ANO2: variants seen among roughly 807,000 people sequenced by gnomAD.
ANO2 encodes the protein anoctamin 2.
ANO2 carries 101 observed loss-of-function variants against 124.2 expected under a neutral mutation model. That is an observed-to-expected ratio of 0.81 (90% confidence interval 0.69 to 0.96). The LOEUF is 0.96. Ranked by LOEUF, ANO2 falls within the 40% of genes least tolerant of loss-of-function variation. ANO2 has a pLI of 0.00. For missense variants in ANO2, 1,293 were observed against 1,274.5 expected (o/e 1.01, Z -0.22); for synonymous variants, 486 against 482.5 (o/e 1.01, Z -0.09).
At chr12:5,577,932 G>A in intron 22 of ANO2, 23 bp downstream of exon 22, 1 of 1,610,610 alleles carries the variant, frequency 6.2e-7, no homozygotes, top group East Asian at 2.2e-5. Context: ...CAGAGCGAGT[G>A]TGTCATGAAT....
chr12:5,747,025 G>C (rs1381826489), intron 11 of ANO2, among the ~76,000 whole-genome samples: 1 of 152,082 alleles, frequency 6.6e-6, no homozygotes, highest in Non-Finnish European at 1.5e-5. Context: ...TAAATTACTG[G>C]GAATAAAAGG....
At chr12:5,725,755 C>A (rs1565612591) in intron 14 of ANO2, among the ~76,000 whole-genome samples, 1 of 152,032 alleles carries the variant, frequency 6.6e-6, no homozygotes, top group Non-Finnish European at 1.5e-5. Context: ...CCACTTCCTG[C>A]CATGCTAATC....
In ANO2 at chr12:5,646,383, G is replaced by T. The variant is rs188460170; in HGVS notation, c.1620+1344C>A. Among the ~76,000 whole-genome samples, 214 of 152,232 alleles carry T rather than the reference G, an allele frequency of 1.4e-3. No homozygotes were observed. The Middle Eastern group carries it at 0.017, about 12-fold the overall frequency. On this transcript the variant is annotated intron_variant, in intron 15 of 24. Transcript: ENST00000682330. ...TTTAAAATAAATTTTAGCAAAATGG[G>T]ATGTTACAAATATCCTAACCTACTA... is the stretch of plus-strand genomic sequence containing the variant.
Position 5,862,322 on chromosome 12 carries a change from C to T in ANO2, c.535-8181G>A, listed in dbSNP as rs1481430221. On this transcript the variant is annotated intron_variant, in intron 3 of 24. Coordinates refer to ENST00000682330, the MANE Select transcript of ANO2 (RefSeq NM_001364791.2). This position sits in a 1 kb window ranked among gnomAD's most constrained non-coding sequence, Gnocchi z 4.0. ...ACCCACTAAGACCAGCAGCAAGACC[C>T]TTCCTTCTTATGGAAAAGACTTCAC... 2.0e-5 allele frequency among the ~76,000 whole-genome samples: 3 copies of T among 152,232 alleles called. No individual in the cohort carries two copies. The highest frequency in any genetic ancestry group is 7.2e-5 in the African/African-American group (3 of 41,454).
intron 3 of ANO2, among the ~76,000 whole-genome samples, chr12:5,858,873 G>A (rs1029821601): frequency 2.6e-5 from 4 of 152,218 alleles, no homozygotes; most frequent in Non-Finnish European, 4.4e-5. Context: ...ACCAGTTCCC[G>A]TTAGATTAAA....
chr12:5,786,929 G>C (rs1000435250), intron 10 of ANO2, among the ~76,000 whole-genome samples: 2 of 152,196 alleles, frequency 1.3e-5, no homozygotes, highest in African/African-American at 4.8e-5. Flanking sequence ...GGTCCTTGAT[G>C]AGCGCAGGCT....
chr12:5,648,913 T>C (rs1043515622), intron 14 of ANO2, among the ~76,000 whole-genome samples: 2 of 152,220 alleles, frequency 1.3e-5, no homozygotes, highest in Non-Finnish European at 2.9e-5. Flanking sequence ...CACACCTGAT[T>C]TGGTGCTAGC....
chr12:5,707,777 T>C (rs1949668440), intron 14 of ANO2, among the ~76,000 whole-genome samples: 1 of 152,256 alleles, frequency 6.6e-6, no homozygotes, highest in Non-Finnish European at 1.5e-5. Flanking sequence ...ACAGATGGTG[T>C]ATGTGGAATT....
rs34787622 is a variant in ANO2 at position 5,939,213 on chromosome 12, C to CAAAAAAAA, written c.22+5975_22+5982dup. Among the ~76,000 whole-genome samples the CAAAAAAAA allele has an allele frequency of 1.3e-3, 114 of 85,888 alleles. 1 individual carries two copies. Among genetic ancestry groups the CAAAAAAAA allele is most frequent in the East Asian group, 1.6e-3 (4 of 2,436 alleles). 56.3% of individuals were successfully genotyped at this position (85,888 alleles called of 152,430 possible). A position where few individuals can be genotyped will look rare whatever the true frequency, so the allele number is the denominator to read the frequency against. On this transcript the variant is annotated intron_variant, in intron 1 of 24. Transcript: ENST00000682330. ...GCCTAGTGACAGAGCAAGACTCCAA[C>CAAAAAAAA]AAAAAAAAAAAAAAAAAAAAAACTT...
At chr12:5,928,593 C>T (rs1265153374) in intron 1 of ANO2, among the ~76,000 whole-genome samples, 1 of 150,338 alleles carries the variant, frequency 6.7e-6, no homozygotes, top group Non-Finnish European at 1.5e-5. Context: ...CCTTACTAGT[C>T]TATCTTCTTT....
intron 3 of ANO2, among the ~76,000 whole-genome samples, chr12:5,878,136 C>T (rs1467339052): frequency 6.6e-6 from 1 of 152,240 alleles, no homozygotes; most frequent in Non-Finnish European, 1.5e-5. Flanking sequence ...ACTACAATCA[C>T]TACTATGAAT....
intron 4 of ANO2, among the ~76,000 whole-genome samples, chr12:5,844,344 G>A (rs533591031): frequency 7.4e-4 from 112 of 152,238 alleles, no homozygotes; most frequent in African/African-American, 2.6e-3. Flanking sequence ...GGGGACACAG[G>A]GCAGTTTCAG....
At chr12:5,881,306 A>C (rs1045593712) in intron 3 of ANO2, among the ~76,000 whole-genome samples, 9 of 152,302 alleles carry the variant, frequency 5.9e-5, no homozygotes, top group Admixed American at 3.3e-4. Flanking sequence ...TTCCAGAAGA[A>C]AGGGAGGAGT....
At chr12:5,593,829 G>A (rs1244614349) in intron 20 of ANO2, among the ~76,000 whole-genome samples, 2 of 152,184 alleles carry the variant, frequency 1.3e-5, no homozygotes, top group African/African-American at 2.4e-5. Context: ...CTAGCATGCA[G>A]CAGGGTTAGG....
At chr12:5,808,096 T>C (rs150290768) in intron 7 of ANO2, among the ~76,000 whole-genome samples, 117 of 152,358 alleles carry the variant, frequency 7.7e-4, no homozygotes, top group African/African-American at 2.7e-3. Context: ...TAACTTCTCA[T>C]GCAGTAAACA....
intron 20 of ANO2, among the ~76,000 whole-genome samples, chr12:5,597,242 C>T (rs1943708151): frequency 6.6e-6 from 1 of 152,050 alleles, no homozygotes; most frequent in Admixed American, 6.6e-5. Flanking sequence ...TGATCCTCTC[C>T]CTCTTCTCAT....
At chr12:5,614,961 C>T (rs540883282) in intron 17 of ANO2, among the ~76,000 whole-genome samples, 64 of 152,328 alleles carry the variant, frequency 4.2e-4, no homozygotes, top group African/African-American at 1.5e-3. Flanking sequence ...TCAGGGACCA[C>T]AGCCAAATCC....
chr12:5,872,116 C>A (rs1003973657), intron 3 of ANO2, among the ~76,000 whole-genome samples: 1 of 152,140 alleles, frequency 6.6e-6, no homozygotes, highest in Non-Finnish European at 1.5e-5. Flanking sequence ...AAGACAGGAG[C>A]AAAATGTATT....
chr12:5,828,100 C>G lies in ANO2; in HGVS notation c.841-280G>C, dbSNP rs917302720. On this transcript the variant is annotated intron_variant, in intron 6 of 24. Coordinates refer to ENST00000682330, the MANE Select transcript of ANO2 (RefSeq NM_001364791.2). ...TAAAAGGCTAGAAATGGACGGCAGTCACAGGAAGTAAGGAAAACAGAGGAG... is the reference window on the plus strand; with the variant it reads ...TAAAAGGCTAGAAATGGACGGCAGTGACAGGAAGTAAGGAAAACAGAGGAG... Among the ~76,000 whole-genome samples the G allele has an allele frequency of 5.9e-5, 9 of 152,294 alleles. No individual in the cohort carries two copies. In the South Asian group the frequency reaches 1.7e-3, roughly 28 times the overall value.
Sources: gnomAD v4.1 joint callset for allele counts (sites outside exome capture counted in the v4.1 genomes callset) on GRCh38, gnomAD v4.1.1 for gene constraint, Gnocchi (gnomAD v3.1) non-coding constraint, MANE v1.5 for transcripts, NCBI Gene and HGNC (gene_info 2026-07-23, HGNC 2026-07-21) for gene names.